OTOP2: variants seen among roughly 807,000 people sequenced by gnomAD.
OTOP2 encodes proton channel OTOP2.
OTOP2 carries 41 observed loss-of-function variants against 47.4 expected under a neutral mutation model. The observed-to-expected ratio is 0.87, with a 90% CI of 0.67 to 1.12. The LOEUF is 1.12. Among genes scored for constraint, OTOP2 ranks in the 50% most tolerant of loss-of-function variants. The pLI is 0.00. For missense variants in OTOP2, 721 were observed against 752.2 expected, an observed-to-expected ratio of 0.96 and a Z score of 0.49; for synonymous variants, 328 against 319.6, an observed-to-expected ratio of 1.03 and a Z score of -0.28.
At chr17:74,929,373 G>A (rs1436680459) in intron 5 of OTOP2, among the ~76,000 whole-genome samples, 2 of 152,178 alleles carry the variant, frequency 1.3e-5, no homozygotes, top group Non-Finnish European at 2.9e-5. Flanking sequence ...AAGGAATGGA[G>A]TGGGGTGAAG....
rs1485257164 is a variant in OTOP2, at chr17:74,927,514, T to C, written c.510-151T>C. Reference sequence around the variant, plus strand: ...CCTCCTAGCCCTCTCTTTGGTGGCATACCAGCCAGGCTGTGTTCCTACCAA... The same window carrying C: ...CCTCCTAGCCCTCTCTTTGGTGGCACACCAGCCAGGCTGTGTTCCTACCAA... On this transcript the variant is annotated intron_variant, in intron 4 of 6. Coordinates refer to ENST00000331427, the MANE Select transcript of OTOP2 (RefSeq NM_178160.3). 2.5e-6 allele frequency: 3 copies of C among 1,197,448 alleles called. No individual in the cohort carries two copies. The Admixed American group carries it at 7.1e-5, about 28-fold the overall frequency. 74.2% of individuals were successfully genotyped at this position (1,197,448 alleles called of 1,614,324 possible).
rs1185640976 is a variant in OTOP2, at chr17:74,927,558, CA to C, written c.510-106del. ...CTACCAAAATCAGCTTCCCTGTTCA[CA>C]CAGGGCCTGGCTGCTTTATCATTTC... On this transcript the variant is annotated intron_variant, in intron 4 of 6. Transcript: ENST00000331427. 3 of 1,455,864 alleles carry C rather than the reference CA, an allele frequency of 2.1e-6. No homozygotes were observed. The African/African-American group carries it at 4.2e-5, about 21-fold the overall frequency. The allele number at this position is 1,455,864 out of a possible 1,614,324, so 90.2% of individuals were successfully genotyped here. A position where few individuals can be genotyped will look rare whatever the true frequency, so the allele number is the denominator to read the frequency against.
intron 6 of OTOP2, among the ~76,000 whole-genome samples, chr17:74,931,859 G>A (rs1473923774): frequency 2.7e-5 from 4 of 150,208 alleles, no homozygotes; most frequent in Non-Finnish European, 5.9e-5. Context: ...GGGAGGTTGA[G>A]GCAAGGGAAT....
At chr17:74,925,718 G>A in intron 3 of OTOP2, 26 bp downstream of exon 3, 3 of 1,613,464 alleles carry the variant, frequency 1.9e-6, no homozygotes, top group Non-Finnish European at 2.5e-6. Context: ...TCGCTGTGTG[G>A]AAGAAAGGAG....
At chr17:74,927,505 T>G in intron 4 of OTOP2, 160 bp from the exon 5 acceptor site, 1 of 1,141,050 alleles carries the variant, frequency 8.8e-7, no homozygotes, top group Non-Finnish European at 1.2e-6. Flanking sequence ...AGCCCTCTCT[T>G]TGGTGGCATA....
intron 2 of OTOP2, 26 bp from the exon 3 acceptor site, chr17:74,925,530 A>G (rs1567943539): frequency 6.2e-7 from 1 of 1,609,928 alleles, no homozygotes; most frequent in Non-Finnish European, 8.5e-7. Context: ...ATCCACCACC[A>G]CCACCCACCC....
chr17:74,930,574 A>G lies in OTOP2; in HGVS notation c.939A>G (p.Gln313=). 1.9e-6 allele frequency: 3 copies of G among 1,613,890 alleles called. No homozygotes were observed. The highest frequency in any genetic ancestry group is 1.7e-5 in the Admixed American group (1 of 60,000). Residue 313 remains glutamine, a synonymous_variant, in exon 6 of 7, where the codon CAA becomes CAG. Transcript: ENST00000331427. The surrounding 1 kb of genome is among the most constrained non-coding windows in gnomAD (Gnocchi z 4.0). ...GLAVFIIYEV[Q]VSGDGSRTRQ... The stretch of plus-strand genomic sequence containing the variant: ...CTGTCTTCATCATCTACGAGGTTCA[A>G]GTGAGCGGGGACGGGAGCCGCACCA...
At chr17:74,929,416 TTTTG>T (rs201281669) in intron 5 of OTOP2, among the ~76,000 whole-genome samples, 6,522 of 151,982 alleles carry the variant, frequency 0.043, 189 homozygotes, top group Middle Eastern at 0.078. Flanking sequence ...TGTTTTGTTT[TTTTG>T]TTTGTTTGTT....
chr17:74,929,420 G>A (rs1017662171), intron 5 of OTOP2, among the ~76,000 whole-genome samples: 2 of 139,156 alleles, frequency 1.4e-5, no homozygotes, highest in Non-Finnish European at 3.3e-5. Context: ...TTGTTTTTTT[G>A]TTTGTTTGTT....
chr17:74,927,633 G>A (rs759675676), intron 4 of OTOP2, 32 bp from the exon 5 acceptor site: 5 of 1,597,492 alleles, frequency 3.1e-6, no homozygotes, highest in East Asian at 4.5e-5. Flanking sequence ...AGGGTCACAG[G>A]CCTCTTTGTC....
rs199593821 is a variant in OTOP2, at chr17:74,930,816, C to T, written c.1181C>T (p.Thr394Ile). The T allele has an allele frequency of 1.5e-4, 242 of 1,614,144 alleles. 2 individuals carry two copies. In the East Asian group the frequency reaches 5.2e-3, roughly 35 times the overall value. Residue 394 changes from threonine (T) to isoleucine (I), a missense_variant, in exon 6 of 7, where the codon ACA becomes ATA. Coordinates refer to ENST00000331427, the MANE Select transcript of OTOP2 (RefSeq NM_178160.3). This position sits in a 1 kb window ranked among gnomAD's most constrained non-coding sequence, Gnocchi z 4.0. Reference protein sequence around the residue: ...YYSIVAVVAGTPQDLLAGLNL... With the variant: ...YYSIVAVVAGIPQDLLAGLNL... Reference sequence around the variant, plus strand: ...TCCATCGTGGCTGTGGTGGCGGGCACACCCCAGGACCTGCTGGCAGGGCTC... The same window carrying T: ...TCCATCGTGGCTGTGGTGGCGGGCATACCCCAGGACCTGCTGGCAGGGCTC...
chr17:74,925,619 C>A lies in OTOP2; in HGVS notation c.377C>A (p.Ser126Tyr). The change falls in exon 3 of 7, where the codon TCC becomes TAC. Residue 126 changes from serine to tyrosine, a missense_variant. Transcript: ENST00000331427. ...GATGTCTTCAAGACCGGCTACTACT[C>A]CAGTTTCTTTGAGTGCCAGTCAGCC... Reference protein sequence around the residue: ...IMDVFKTGYYSSFFECQSAIK... With the variant: ...IMDVFKTGYYYSFFECQSAIK... 2 of 1,614,188 alleles carry A rather than the reference C, an allele frequency of 1.2e-6. No homozygotes were observed. The highest frequency in any genetic ancestry group is 1.1e-5 in the South Asian group (1 of 91,078).
rs1446313890 is a variant in OTOP2 at position 74,931,261 on chromosome 17, A to G, written c.1518+108A>G. The G allele has an allele frequency of 2.2e-6, 3 of 1,392,248 alleles. No homozygotes were observed. In the African/African-American group the frequency reaches 4.3e-5, roughly 20 times the overall value. The allele number at this position is 1,392,248 out of a possible 1,614,324, so 86.2% of individuals were successfully genotyped here. On this transcript the variant is annotated intron_variant, in intron 6 of 6. Transcript: ENST00000331427. ...CTCTGTCTTGCCCCCAGCCCGCCTG[A>G]GAATCTTACAGCTCTCTAGGAAAGG...
Position 74,933,233 on chromosome 17 carries a change from C to A in OTOP2, c.1519-142C>A. Reference sequence around the variant, plus strand: ...GGTCCTGTCCAAAATGCTAGAGCTGCCCATTCACTGACACCCAGCCCTCCG... The same window carrying A: ...GGTCCTGTCCAAAATGCTAGAGCTGACCATTCACTGACACCCAGCCCTCCG... On this transcript the variant is annotated intron_variant, in intron 6 of 6. Transcript: ENST00000331427. This position sits in a 1 kb window ranked among gnomAD's most constrained non-coding sequence, Gnocchi z 4.7. 1 of 986,584 alleles carries A rather than the reference C, an allele frequency of 1.0e-6. No homozygotes were observed. The highest frequency in any genetic ancestry group is 1.5e-6 in the Non-Finnish European group (1 of 666,556). 61.1% of individuals were successfully genotyped at this position (986,584 alleles called of 1,614,324 possible). A position where few individuals can be genotyped will look rare whatever the true frequency, so the allele number is the denominator to read the frequency against.
intron 3 of OTOP2, among the ~76,000 whole-genome samples, chr17:74,926,340 G>A (rs949026137): frequency 3.3e-5 from 5 of 152,078 alleles, no homozygotes; most frequent in Non-Finnish European, 5.9e-5. Context: ...TTAGTCTTTC[G>A]TATTTTATGG....
Position 74,930,942 on chromosome 17 carries a change from G to C in OTOP2, c.1307G>C (p.Ser436Thr). 2 of 1,614,046 alleles carry C rather than the reference G, an allele frequency of 1.2e-6. No homozygotes were observed. Among genetic ancestry groups the C allele is most frequent in the Middle Eastern group, 1.6e-4 (1 of 6,062 alleles). Residue 436 changes from serine (S) to threonine (T), a missense_variant, in exon 6 of 7, where the codon AGT becomes ACT. Transcript: ENST00000331427. The surrounding 1 kb of genome is among the most constrained non-coding windows in gnomAD (Gnocchi z 4.0). ...HRGPPGAEPH[S>T]THPKEPCQDL... ...GGACCGCCCGGGGCTGAGCCTCACA[G>C]TACCCACCCCAAGGAGCCCTGCCAA... is the stretch of plus-strand genomic sequence containing the variant.
chr17:74,930,469 C>A lies in OTOP2; in HGVS notation c.834C>A (p.Thr278=), dbSNP rs200562930. ...FLASTPGHSH[T]PTPVSLFRET... Reference sequence around the variant, plus strand: ...CCTCCACCCCTGGCCACAGCCACACCCCAACCCCTGTCAGCCTCTTCCGGG... The same window carrying A: ...CCTCCACCCCTGGCCACAGCCACACACCAACCCCTGTCAGCCTCTTCCGGG... The change falls in exon 6 of 7, where the codon ACC becomes ACA. Residue 278 remains threonine, a synonymous_variant. Coordinates refer to ENST00000331427, the MANE Select transcript of OTOP2 (RefSeq NM_178160.3). This position sits in a 1 kb window ranked among gnomAD's most constrained non-coding sequence, Gnocchi z 4.0. 2.6e-5 allele frequency: 42 copies of A among 1,614,010 alleles called. No homozygotes were observed. The Middle Eastern group carries it at 6.6e-4, about 25-fold the overall frequency.
chr17:74,928,118 C>G (rs889308464), intron 5 of OTOP2: 1 of 256,912 alleles, frequency 3.9e-6, no homozygotes, highest in African/African-American at 2.2e-5. Context: ...TAAGGCAGAC[C>G]AATTGCTTGA....
intron 2 of OTOP2, among the ~76,000 whole-genome samples, 171 bp downstream of exon 2, chr17:74,925,116 T>C (rs1598590518): frequency 6.6e-6 from 1 of 151,572 alleles, no homozygotes; most frequent in South Asian, 2.1e-4. Context: ...AAGAGGAAGG[T>C]AAGGGGTCCT....
Sources: allele counts gnomAD v4.1 joint callset (sites outside exome capture counted in the v4.1 genomes callset), GRCh38; gene constraint gnomAD v4.1.1; non-coding constraint Gnocchi (gnomAD v3.1); transcripts MANE v1.5; gene names NCBI Gene and HGNC (gene_info 2026-07-23, HGNC 2026-07-21).